The following DUSP22 variants were observed in gnomAD, a reference collection of about 807,000 sequenced individuals.
DUSP22 encodes dual specificity phosphatase 22, also known as dual specificity protein phosphatase 22.
In DUSP22, 24 loss-of-function variants were observed where a neutral mutation model predicts 24.5. The ratio of observed to expected loss-of-function variants is 0.98; its 90% CI spans 0.71 to 1.38. The LOEUF (loss-of-function observed/expected upper bound fraction) is 1.38, where lower values mean the gene tolerates loss of function less well. Among genes scored for constraint, DUSP22 ranks in the 40% most tolerant of loss-of-function variants. DUSP22 has a pLI of 0.00. For missense variants in DUSP22, 330 were observed against 269.2 expected (o/e 1.23, Z -1.58); for synonymous variants, 160 against 106.4 (o/e 1.50, Z -3.10).
At chr6:320,881 C>T (rs1385615396) in intron 3 of DUSP22, among the ~76,000 whole-genome samples, 6 of 152,308 alleles carry the variant, frequency 3.9e-5, no homozygotes, top group African/African-American at 1.4e-4. Context: ...CTCCTCCAGA[C>T]TCAGCAAACA....
At chr6:292,697 C>A in intron 1 of DUSP22, 137 bp downstream of exon 1, 4 of 1,287,962 alleles carry the variant, frequency 3.1e-6, no homozygotes, top group African/African-American at 3.1e-5. Flanking sequence ...AGGGGCGGCG[C>A]GCCTGGGCGG....
chr6:349,542 C>T lies in DUSP22; in HGVS notation c.*591C>T, dbSNP rs1760079638. 1.8e-5 allele frequency: 18 copies of T among 990,174 alleles called. No homozygotes were observed. The South Asian group carries it at 6.9e-4, about 38-fold the overall frequency. The allele number at this position is 990,174 out of a possible 1,614,324, so 61.3% of individuals were successfully genotyped here. ...GGACGAGTGGCTAAGAGCATGGCCT[C>T]TCCCAGAACCCACCCAGGGTGGTGT... On this transcript the variant is annotated 3_prime_UTR_variant, in exon 7 of 7. Transcript: ENST00000419235.
intron 2 of DUSP22, among the ~76,000 whole-genome samples, chr6:305,978 C>T (rs1757799616): frequency 6.6e-6 from 1 of 152,308 alleles, no homozygotes; most frequent in Admixed American, 6.5e-5. Context: ...ACCCGTATCC[C>T]CCCAGCTCAC....
intron 3 of DUSP22, among the ~76,000 whole-genome samples, chr6:330,817 A>C (rs1411795004): frequency 6.6e-6 from 1 of 152,306 alleles, no homozygotes; most frequent in Non-Finnish European, 1.5e-5. Flanking sequence ...TGTCCTTAGC[A>C]GATCCCCCAT....
chr6:332,082 G>A (rs1711501446), intron 3 of DUSP22, among the ~76,000 whole-genome samples: 1 of 152,310 alleles, frequency 6.6e-6, no homozygotes, highest in African/African-American at 2.4e-5. Context: ...TGATCTTTGT[G>A]TTCATTGTTC....
Position 304,646 on chromosome 6 carries a change from A to T in DUSP22, c.40A>T (p.Ile14Phe), listed in dbSNP as rs201434867. The T allele has an allele frequency of 6.2e-7, 1 of 1,614,250 alleles. No individual in the cohort carries two copies. Among genetic ancestry groups the T allele is most frequent in the Non-Finnish European group, 8.5e-7 (1 of 1,180,022 alleles). The change falls in exon 2 of 7, where the codon ATC becomes TTC. Residue 14 changes from isoleucine to phenylalanine, a missense_variant. Coordinates refer to ENST00000419235, the MANE Select transcript of DUSP22 (RefSeq NM_001286555.3). ...GMNKILPGLYIGNFKDARDAE... is the reference protein window; with the variant it reads ...GMNKILPGLYFGNFKDARDAE... ...CTCCTAGATCCTGCCCGGCCTGTAC[A>T]TCGGCAACTTCAAAGGTGAGTTCTT...
At position 295,708 on chromosome 6, in the gene DUSP22, GAGAATCACCTCAGCCCGGGAAGTCT is replaced by G; in HGVS notation, c.21+3151_21+3175del. 2.0e-5 allele frequency among the ~76,000 whole-genome samples: 3 copies of G among 152,038 alleles called. No individual in the cohort carries two copies. The East Asian group carries it at 5.8e-4, about 29-fold the overall frequency. ...CCAGCTACTTGGGAGGCTGAGGTGG[GAGAATCACCTCAGCCCGGGAAGTCT>G]AGGCTGGAGCGAGTCGTGATTGTGC... is the stretch of plus-strand genomic sequence containing the variant. On this transcript the variant is annotated intron_variant, in intron 1 of 6. Coordinates refer to ENST00000419235, the MANE Select transcript of DUSP22 (RefSeq NM_001286555.3).
At position 348,768 on chromosome 6, in the gene DUSP22, G is replaced by T. The variant is rs748333310; in HGVS notation, c.436-1G>T. The stretch of plus-strand genomic sequence containing the variant: ...TTCGGGTTTGTTTCCATCCTCTCCA[G>T]TATCGGCAGTGGCTGAAGGAAGAAT... On this transcript the variant is annotated splice_acceptor_variant, in intron 6 of 6. Transcript: ENST00000419235. LOFTEE classifies it high-confidence loss of function. The T allele has an allele frequency of 7.1e-5, 115 of 1,614,138 alleles. No homozygotes were observed. Among genetic ancestry groups the T allele is most frequent in the Non-Finnish European group, 9.0e-5 (106 of 1,180,018 alleles).
chr6:295,647 A>G (rs1389141561), intron 1 of DUSP22, among the ~76,000 whole-genome samples: 5 of 152,154 alleles, frequency 3.3e-5, no homozygotes, highest in African/African-American at 9.6e-5. Context: ...AAAACAAAGC[A>G]ATCAGCCGAG....
chr6:350,385 A>G lies in DUSP22; in HGVS notation c.*1434A>G, dbSNP rs1581199624. 1.8e-6 allele frequency: 2 copies of G among 1,091,872 alleles called. No individual in the cohort carries two copies. Among genetic ancestry groups the G allele is most frequent in the East Asian group, 7.8e-5 (1 of 12,860 alleles). 67.6% of individuals were successfully genotyped at this position (1,091,872 alleles called of 1,614,324 possible). Reference sequence around the variant, plus strand: ...CGACTCAGATTCCTTAAGCATGCAGAGTCACTCGAATGAAAAAACATACTC... The same window carrying G: ...CGACTCAGATTCCTTAAGCATGCAGGGTCACTCGAATGAAAAAACATACTC... On this transcript the variant is annotated 3_prime_UTR_variant, in exon 7 of 7. Coordinates refer to ENST00000419235, the MANE Select transcript of DUSP22 (RefSeq NM_001286555.3).
Position 314,811 on chromosome 6 carries a change from C to T in DUSP22, c.138+2849C>T, listed in dbSNP as rs1758269471. Reference sequence around the variant, plus strand: ...CAGGGGATGTAAGTAAGGAGGCTCCCATTTTTACTTAGGAAGGAACTAAGG... The same window carrying T: ...CAGGGGATGTAAGTAAGGAGGCTCCTATTTTTACTTAGGAAGGAACTAAGG... On this transcript the variant is annotated intron_variant, in intron 3 of 6. Coordinates refer to ENST00000419235, the MANE Select transcript of DUSP22 (RefSeq NM_001286555.3). 2.0e-5 allele frequency among the ~76,000 whole-genome samples: 3 copies of T among 152,294 alleles called. No individual in the cohort carries two copies. In the South Asian group the frequency reaches 6.2e-4, roughly 32 times the overall value.
chr6:338,114 T>G (rs1581185311), intron 4 of DUSP22: 1 of 152,438 alleles, frequency 6.6e-6, no homozygotes, highest in African/African-American at 2.4e-5. Context: ...CTGTTGGGAG[T>G]CATGCTCTTG....
chr6:320,693 G>A (rs1758545403), intron 3 of DUSP22, among the ~76,000 whole-genome samples: 1 of 152,294 alleles, frequency 6.6e-6, no homozygotes, highest in African/African-American at 2.4e-5. Context: ...TAGGACTAGT[G>A]CGGTTTGACT....
intron 3 of DUSP22, among the ~76,000 whole-genome samples, chr6:334,808 T>G (rs1759289669): frequency 6.6e-6 from 1 of 152,304 alleles, no homozygotes; most frequent in Non-Finnish European, 1.5e-5. Flanking sequence ...AGATGCTGGT[T>G]TTGAAAGTAG....
intron 3 of DUSP22, among the ~76,000 whole-genome samples, chr6:313,407 G>C (rs935035704): frequency 6.6e-6 from 1 of 152,308 alleles, no homozygotes; most frequent in Non-Finnish European, 1.5e-5. Context: ...TTATCACTTG[G>C]GAAACCACAG....
At chr6:346,555 G>A (rs929082310) in intron 5 of DUSP22, among the ~76,000 whole-genome samples, 4 of 152,306 alleles carry the variant, frequency 2.6e-5, no homozygotes, top group African/African-American at 9.6e-5. Context: ...TAGTGAAAGT[G>A]GGATGGCATT....
chr6:326,794 C>A (rs1432798362), intron 3 of DUSP22, among the ~76,000 whole-genome samples: 1 of 152,308 alleles, frequency 6.6e-6, no homozygotes. Flanking sequence ...CTCTCTGCAT[C>A]AGAGCAAAGG....
chr6:318,912 C>T (rs1758453574), intron 3 of DUSP22, among the ~76,000 whole-genome samples: 1 of 152,296 alleles, frequency 6.6e-6, no homozygotes, highest in Non-Finnish European at 1.5e-5. Context: ...AGGGTTAAGT[C>T]CACTGTTAAG....
intron 2 of DUSP22, among the ~76,000 whole-genome samples, chr6:310,239 G>A (rs1352686664): frequency 6.6e-6 from 1 of 152,414 alleles, no homozygotes; most frequent in South Asian, 2.1e-4. Flanking sequence ...GGGATTACAG[G>A]TGTCAGTCAC....
Sources: allele counts gnomAD v4.1 joint callset (sites outside exome capture counted in the v4.1 genomes callset), GRCh38; gene constraint gnomAD v4.1.1; transcripts MANE v1.5; gene names NCBI Gene and HGNC (gene_info 2026-07-23, HGNC 2026-07-21).